The following TACC2 variants were observed in gnomAD, a reference collection of about 807,000 sequenced individuals.
TACC2 encodes transforming acidic coiled-coil containing protein 2.
TACC2 carries 137 observed loss-of-function variants against 227.3 expected under a neutral mutation model. The ratio of observed to expected loss-of-function variants is 0.60; its 90% CI spans 0.52 to 0.69. The LOEUF (loss-of-function observed/expected upper bound fraction) is 0.69. Ranked by LOEUF, TACC2 falls within the 30% of genes least tolerant of loss-of-function variation. TACC2 has a pLI of 0.00. For synonymous variants in TACC2, 1,523 were observed against 1,487.5 expected, an observed-to-expected ratio of 1.02 and a Z score of -0.55; for missense variants, 3,470 against 3,694.4, an observed-to-expected ratio of 0.94 and a Z score of 1.57.
At chr10:122,177,650 G>A (rs1258380704) in intron 7 of TACC2, among the ~76,000 whole-genome samples, 1 of 152,162 alleles carries the variant, frequency 6.6e-6, no homozygotes, top group African/African-American at 2.4e-5. Flanking sequence ...GCAGGAGAAT[G>A]AAGCTGGGGA....
At chr10:122,060,606 A>C (rs2076681878) in intron 3 of TACC2, among the ~76,000 whole-genome samples, 1 of 152,224 alleles carries the variant, frequency 6.6e-6, no homozygotes, top group Non-Finnish European at 1.5e-5. Context: ...GAGTGCATGG[A>C]CTGAGATACC....
chr10:122,109,267 T>A lies in TACC2; in HGVS notation c.5573+20676T>A, dbSNP rs551768331. ...GTTGTACTGGTTTACATTCAAAGTGTTCCCTTTTCATCTTATCCACACAAG... is the reference window on the plus strand; with the variant it reads ...GTTGTACTGGTTTACATTCAAAGTGATCCCTTTTCATCTTATCCACACAAG... On this transcript the variant is annotated intron_variant, in intron 5 of 22. Transcript: ENST00000369005. Among the ~76,000 whole-genome samples the A allele has an allele frequency of 2.0e-4, 31 of 152,314 alleles. No individual in the cohort carries two copies. The South Asian group carries it at 6.2e-3, about 31-fold the overall frequency.
chr10:122,086,485 C>T lies in TACC2; in HGVS notation c.3985C>T (p.Leu1329=), dbSNP rs759394267. The T allele has an allele frequency of 1.2e-6, 2 of 1,613,768 alleles. No homozygotes were observed. The highest frequency in any genetic ancestry group is 1.7e-6 in the Non-Finnish European group (2 of 1,180,004). ...TEGPVDSMPC[L]DRMPLLAKGK... is the part of the protein sequence containing the mutation. ...GGGACCAGTGGACTCCATGCCATGC[C>T]TGGACCGGATGCCACTTCTGGCCAA... Residue 1329 remains leucine, a synonymous_variant, in exon 4 of 23, where the codon CTG becomes TTG. Transcript: ENST00000369005.
intron 5 of TACC2, among the ~76,000 whole-genome samples, chr10:122,091,210 T>G (rs1565282418): frequency 6.6e-6 from 1 of 151,956 alleles, no homozygotes; most frequent in East Asian, 1.9e-4. Flanking sequence ...GATGGAGATG[T>G]GCTGTAAGTG....
intron 11 of TACC2, among the ~76,000 whole-genome samples, chr10:122,218,111 A>AT (rs1276334388): frequency 2.0e-5 from 3 of 151,628 alleles, no homozygotes; most frequent in Non-Finnish European, 2.9e-5. Flanking sequence ...CGCCCAGCTA[A>AT]TTTTTGTATT....
intron 7 of TACC2, among the ~76,000 whole-genome samples, chr10:122,156,151 C>T (rs188726720): frequency 7.3e-5 from 11 of 149,938 alleles, no homozygotes; most frequent in Admixed American, 6.7e-4. Context: ...GTGCAAAAAA[C>T]GTTTTTAAGA....
intron 5 of TACC2, among the ~76,000 whole-genome samples, chr10:122,110,634 G>A (rs910846085): frequency 2.0e-5 from 3 of 152,168 alleles, no homozygotes; most frequent in Non-Finnish European, 4.4e-5. Context: ...AGCCTTCCTC[G>A]ACCAGAGTGG....
intron 7 of TACC2, among the ~76,000 whole-genome samples, chr10:122,174,679 T>G (rs569241598): frequency 1.3e-5 from 2 of 152,314 alleles, no homozygotes; most frequent in African/African-American, 4.8e-5. Flanking sequence ...CCCCTCCTTT[T>G]TGTGTGTGTA....
At chr10:122,220,148 T>C (rs990256984) in intron 11 of TACC2, among the ~76,000 whole-genome samples, 1 of 152,300 alleles carries the variant, frequency 6.6e-6, no homozygotes, top group African/African-American at 2.4e-5. Context: ...CATTTTTTTT[T>C]CCTTAGGAAA....
chr10:122,156,842 G>T (rs1021445120), intron 7 of TACC2, among the ~76,000 whole-genome samples: 1 of 152,222 alleles, frequency 6.6e-6, no homozygotes, highest in African/African-American at 2.4e-5. Flanking sequence ...GTGAGGACAT[G>T]ACTGGGCACA....
chr10:122,018,799 A>G (rs1956995576), intron 1 of TACC2, among the ~76,000 whole-genome samples: 1 of 152,150 alleles, frequency 6.6e-6, no homozygotes, highest in Admixed American at 6.5e-5. Context: ...TGAAACATAC[A>G]CACTTCTGCT....
intron 2 of TACC2, among the ~76,000 whole-genome samples, chr10:122,032,765 C>T (rs1032753775): frequency 1.3e-5 from 2 of 152,140 alleles, no homozygotes; most frequent in African/African-American, 4.8e-5. Flanking sequence ...TCAAAACCTT[C>T]CTGGCCAACA....
chr10:122,083,640 G>T lies in TACC2; in HGVS notation c.1140G>T (p.Met380Ile), dbSNP rs901976240. 6.2e-7 allele frequency: 1 copy of T among 1,611,176 alleles called. No homozygotes were observed. The highest frequency in any genetic ancestry group is 8.5e-7 in the Non-Finnish European group (1 of 1,180,030). The change falls in exon 4 of 23, where the codon ATG (methionine) becomes ATT (isoleucine). Residue 380 changes from methionine (M) to isoleucine (I), a missense_variant. Met to Ile is a conservative substitution (Grantham distance 10). This residue lies in a region of TACC2 where 1,924 missense variants were observed against 1,978.3 expected (regional missense o/e 0.97). Coordinates refer to ENST00000369005, the MANE Select transcript of TACC2 (RefSeq NM_206862.4). ...IDVQGHPQTGMRGTKPNQVVC... is the reference protein window; with the variant it reads ...IDVQGHPQTGIRGTKPNQVVC... ...TTCAGGGTCACCCACAGACAGGGAT[G>T]CGAGGAACCAAGCCCAATCAAGTTG...
At chr10:122,000,941 G>A (rs1314966246) in intron 1 of TACC2, among the ~76,000 whole-genome samples, 1 of 152,136 alleles carries the variant, frequency 6.6e-6, no homozygotes, top group Non-Finnish European at 1.5e-5. Context: ...TCCTTCCTCA[G>A]CCTCCCGAGT....
intron 1 of TACC2, among the ~76,000 whole-genome samples, chr10:122,006,981 C>A (rs1462442800): frequency 6.6e-6 from 1 of 151,754 alleles, no homozygotes; most frequent in Non-Finnish European, 1.5e-5. Flanking sequence ...CCTGCCTCAG[C>A]CTTCCGAGTA....
intron 11 of TACC2, among the ~76,000 whole-genome samples, chr10:122,221,170 A>C (rs1333939877): frequency 6.6e-6 from 1 of 152,272 alleles, no homozygotes; most frequent in Admixed American, 6.5e-5. Flanking sequence ...TCAACTCACT[A>C]GGATGACACT....
rs1278580382 is a variant in TACC2 at position 122,209,911 on chromosome 10, CA to C, written c.5972-483del. 1 of 162,844 alleles carries C rather than the reference CA, an allele frequency of 6.1e-6. No individual in the cohort carries two copies. The highest frequency in any genetic ancestry group is 2.4e-5 in the African/African-American group (1 of 41,638). The allele number at this position is 162,844 out of a possible 1,614,324, so 10.1% of individuals were successfully genotyped here. ...TTCACCATGATGACCAGGCTGGTCTCAAACTCCTGACCTCAAGTGATCTGCC... is the reference window on the plus strand; with the variant it reads ...TTCACCATGATGACCAGGCTGGTCTCAACTCCTGACCTCAAGTGATCTGCC... On this transcript the variant is annotated intron_variant, in intron 8 of 22. Transcript: ENST00000369005. The surrounding 1 kb of genome is among the most constrained non-coding windows in gnomAD (Gnocchi z 4.5).
intron 19 of TACC2, among the ~76,000 whole-genome samples, chr10:122,244,412 T>G (rs1255740570): frequency 2.0e-5 from 3 of 152,198 alleles, no homozygotes; most frequent in Non-Finnish European, 4.4e-5. Context: ...CCAAGGCTTT[T>G]TTCATCAGGT....
chr10:122,078,603 G>C (rs959914164), intron 3 of TACC2, among the ~76,000 whole-genome samples: 1 of 152,200 alleles, frequency 6.6e-6, no homozygotes, highest in Admixed American at 6.5e-5. Flanking sequence ...GCTTCCATTC[G>C]GGGTGCTGGC....
Sources: allele counts gnomAD v4.1 joint callset (sites outside exome capture counted in the v4.1 genomes callset), GRCh38; gene constraint gnomAD v4.1.1; regional missense constraint gnomAD v4.1.1; non-coding constraint Gnocchi (gnomAD v3.1); transcripts MANE v1.5; gene names NCBI Gene and HGNC (gene_info 2026-07-23, HGNC 2026-07-21).